The following INSC variants were observed in gnomAD, a reference collection of about 807,000 sequenced individuals.
INSC encodes the protein protein inscuteable homolog.
A neutral mutation model predicts 58.6 loss-of-function variants in INSC; 67 were observed. The observed-to-expected ratio is 1.14, with a 90% CI of 0.94 to 1.40. INSC has a LOEUF of 1.40. Ranked by LOEUF, INSC falls within the 40% of genes most tolerant of loss-of-function variation. The pLI is 0.00. For synonymous variants in INSC, 262 were observed against 276.1 expected (o/e 0.95, Z 0.51); for missense variants, 714 against 692.0 (o/e 1.03, Z -0.36).
intron 9 of INSC, 79 bp from the exon 10 acceptor site, chr11:15,235,523 C>T: frequency 9.2e-7 from 1 of 1,085,250 alleles, no homozygotes; most frequent in East Asian, 2.4e-5. Flanking sequence ...CTTTGTAGCC[C>T]CTGGCTGACC....
chr11:15,200,927 AG>A lies in INSC; in HGVS notation c.800del (p.Gly267ValfsTer18). On this transcript the variant is annotated frameshift_variant, in exon 7 of 13. Transcript: ENST00000379556. LOFTEE classifies it high-confidence loss of function. ...CTGGCCTCCATCTGCTGCGTGGAAG[AG>A]GGTGTCCACCAGCTGGAGAAGGTAA... is the stretch of plus-strand genomic sequence containing the variant. ...RTLASICCVE[E>X]GVHQLEKVDG... is the part of the protein sequence containing the mutation. The A allele has an allele frequency of 6.2e-7, 1 of 1,610,746 alleles. No individual in the cohort carries two copies. Among genetic ancestry groups the A allele is most frequent in the Non-Finnish European group, 8.5e-7 (1 of 1,178,734 alleles).
At chr11:15,231,124 C>T (rs1234662648) in intron 9 of INSC, among the ~76,000 whole-genome samples, 1 of 152,210 alleles carries the variant, frequency 6.6e-6, no homozygotes, top group Non-Finnish European at 1.5e-5. Flanking sequence ...CTCCTGGGCT[C>T]TCTTGCCTCT....
At chr11:15,260,608 T>C in the INSC span, among the ~76,000 whole-genome samples, 2 of 152,200 alleles carry the variant, frequency 1.3e-5, no homozygotes, top group Non-Finnish European at 2.9e-5. Context: ...ACCTTGAAGG[T>C]ACAAAACAAG....
At chr11:15,171,758 C>T (rs1349631932) in intron 2 of INSC, among the ~76,000 whole-genome samples, 2 of 152,198 alleles carry the variant, frequency 1.3e-5, no homozygotes, top group Non-Finnish European at 2.9e-5. Context: ...GGACTTGTCT[C>T]CCCACTCCCC....
rs143647499 is a variant in INSC at position 15,149,130 on chromosome 11, G to A, written c.-45G>A. ...GTGCCATCCTGCCCTCTATTTTCAG[G>A]GTCACGACCGCTGCAAGCAGGCTTT... On this transcript the variant is annotated splice_region_variant and 5_prime_UTR_variant, in exon 2 of 13. Coordinates refer to ENST00000379556, the MANE Select transcript of INSC (RefSeq NM_001042536.3). 3.0e-4 allele frequency: 479 copies of A among 1,603,234 alleles called. 4 individuals are homozygous for A. The African/African-American group carries it at 5.8e-3, about 19-fold the overall frequency.
the INSC span, among the ~76,000 whole-genome samples, chr11:15,259,294 T>A: frequency 6.6e-6 from 1 of 152,122 alleles, no homozygotes; most frequent in Non-Finnish European, 1.5e-5. Context: ...AGAAAGCAAA[T>A]TGTTAATAGC....
At chr11:15,228,849 T>TA (rs1564916016) in intron 9 of INSC, among the ~76,000 whole-genome samples, 1 of 152,110 alleles carries the variant, frequency 6.6e-6, no homozygotes, top group Non-Finnish European at 1.5e-5. Flanking sequence ...ACCCTTGGGG[T>TA]ATGGACGTTG....
At chr11:15,178,614 T>C (rs915645335) in intron 5 of INSC, among the ~76,000 whole-genome samples, 167 bp downstream of exon 5, 1 of 152,204 alleles carries the variant, frequency 6.6e-6, no homozygotes, top group Non-Finnish European at 1.5e-5. Flanking sequence ...AACAAAACTG[T>C]CAGAGCTGGG....
intron 5 of INSC, among the ~76,000 whole-genome samples, chr11:15,179,094 A>G (rs1169159659): frequency 6.6e-6 from 1 of 152,176 alleles, no homozygotes; most frequent in Non-Finnish European, 1.5e-5. Context: ...TCTACTTTCT[A>G]TCTGTGGTTC....
intron 6 of INSC, among the ~76,000 whole-genome samples, chr11:15,200,153 T>TCACACACACACACA (rs57120673): frequency 1.4e-5 from 2 of 146,830 alleles, no homozygotes; most frequent in African/African-American, 5.1e-5. Flanking sequence ...AAGGGTTATA[T>TCACACACACACACA]CACACACACA....
At chr11:15,223,226 A>C (rs1319852927) in intron 8 of INSC, among the ~76,000 whole-genome samples, 1 of 152,224 alleles carries the variant, frequency 6.6e-6, no homozygotes, top group Non-Finnish European at 1.5e-5. Flanking sequence ...ATTTATAAAC[A>C]TTATCAAATA....
rs571268078 is a variant in INSC at position 15,123,001 on chromosome 11, G to GC, written c.-46+7999dup. On this transcript the variant is annotated intron_variant, in intron 1 of 12. Coordinates refer to ENST00000379556, the MANE Select transcript of INSC (RefSeq NM_001042536.3). ...GCCCTCTCCTACATCTCCCTACCCA[G>GC]CACTCCCTCCCTGGCTCTCCCTGCC... is the stretch of plus-strand genomic sequence containing the variant. Among the ~76,000 whole-genome samples the GC allele has an allele frequency of 2.6e-5, 4 of 152,174 alleles. No homozygotes were observed. The East Asian group carries it at 7.7e-4, about 29-fold the overall frequency.
intron 9 of INSC, among the ~76,000 whole-genome samples, chr11:15,227,144 G>A (rs1851671851): frequency 1.3e-5 from 2 of 152,202 alleles, no homozygotes; most frequent in African/African-American, 4.8e-5. Context: ...CAGGCAGCTA[G>A]CCAGCATTTA....
At chr11:15,180,919 C>T (rs1849756416) in intron 5 of INSC, among the ~76,000 whole-genome samples, 1 of 152,150 alleles carries the variant, frequency 6.6e-6, no homozygotes, top group African/African-American at 2.4e-5. Context: ...GCAGTGACAT[C>T]AGGAGATATA....
the INSC span, among the ~76,000 whole-genome samples, chr11:15,257,351 G>C: frequency 6.6e-6 from 1 of 152,074 alleles, no homozygotes; most frequent in Non-Finnish European, 1.5e-5. Flanking sequence ...TGTCATCTAA[G>C]TATATCTCAA....
chr11:15,178,845 T>C (rs549347149), intron 5 of INSC, among the ~76,000 whole-genome samples: 2 of 152,338 alleles, frequency 1.3e-5, no homozygotes, highest in East Asian at 3.9e-4. Flanking sequence ...GGTAGAACAC[T>C]GTCAGGCCAC....
intron 8 of INSC, among the ~76,000 whole-genome samples, chr11:15,223,067 AG>A (rs1284444303): frequency 2.6e-5 from 4 of 152,218 alleles, no homozygotes; most frequent in Admixed American, 2.6e-4. Flanking sequence ...GGAAGAATAA[AG>A]GTGTTTGAGT....
chr11:15,208,836 C>T (rs911124394), intron 7 of INSC, among the ~76,000 whole-genome samples: 1 of 152,114 alleles, frequency 6.6e-6, no homozygotes, highest in African/African-American at 2.4e-5. Flanking sequence ...CACCAGTGGC[C>T]GCTCCATCAG....
At chr11:15,118,329 C>CT (rs751174796) in intron 1 of INSC, among the ~76,000 whole-genome samples, 2 of 152,196 alleles carry the variant, frequency 1.3e-5, no homozygotes, top group Non-Finnish European at 2.9e-5. Context: ...GTTGGTGAAA[C>CT]TTCTAATTCA....
Sources: allele counts gnomAD v4.1 joint callset (sites outside exome capture counted in the v4.1 genomes callset), GRCh38; gene constraint gnomAD v4.1.1; transcripts MANE v1.5; gene names NCBI Gene and HGNC (gene_info 2026-07-23, HGNC 2026-07-21).